RPGRIP1: variants seen among roughly 807,000 people sequenced by gnomAD.
RPGRIP1 encodes X-linked retinitis pigmentosa GTPase regulator-interacting protein 1.
In RPGRIP1, 128 loss-of-function variants were observed where a neutral mutation model predicts 157.9. The ratio of observed to expected loss-of-function variants is 0.81; its 90% confidence interval spans 0.70 to 0.94. The LOEUF is 0.94. RPGRIP1 is among the 40% of genes least tolerant of loss of function. RPGRIP1 has a pLI of 0.00. For missense variants in RPGRIP1, 1,486 were observed against 1,545.8 expected (o/e 0.96, Z 0.65); for synonymous variants, 554 against 571.6 (o/e 0.97, Z 0.44).
chr14:21,349,978 T>C (rs1405638875), intron 24 of RPGRIP1, among the ~76,000 whole-genome samples: 1 of 152,188 alleles, frequency 6.6e-6, no homozygotes, highest in Non-Finnish European at 1.5e-5. Flanking sequence ...ACTAGATCAA[T>C]GTTTTTCAAA....
chr14:21,312,118 A>G (rs1305618251), intron 9 of RPGRIP1, 148 bp downstream of exon 9: 2 of 754,578 alleles, frequency 2.7e-6, no homozygotes, highest in African/African-American at 1.8e-5. Flanking sequence ...AGATTACACC[A>G]TTAGAGGGAA....
chr14:21,334,533 G>A lies in RPGRIP1; in HGVS notation c.3239-72G>A, dbSNP rs1466372046. On this transcript the variant is annotated intron_variant, in intron 20 of 24. Coordinates refer to ENST00000400017, the MANE Select transcript of RPGRIP1 (RefSeq NM_020366.4). Reference sequence around the variant, plus strand: ...AGTGACCAGACAGTGGATTGGAGATGTGTGTGCTGGGTCTTTTCTTGGGCT... The same window carrying A: ...AGTGACCAGACAGTGGATTGGAGATATGTGTGCTGGGTCTTTTCTTGGGCT... 9 of 989,126 alleles carry A rather than the reference G, an allele frequency of 9.1e-6. No homozygotes were observed. In the African/African-American group the frequency reaches 1.4e-4, roughly 16 times the overall value. The allele number at this position is 989,126 out of a possible 1,614,324, so 61.3% of individuals were successfully genotyped here.
chr14:21,303,336 C>G lies in RPGRIP1; in HGVS notation c.593C>G (p.Ser198Cys). The change falls in exon 6 of 25, where the codon TCT (serine) becomes TGT (cysteine). Residue 198 changes from serine to cysteine, a missense_variant. By Grantham distance (112) the Ser-to-Cys change is moderately radical (BLOSUM62 -1). Transcript: ENST00000400017. ...EVASKPSELV[S>C]GSNSIISFSS... ...AGTATCCTTTTTGTATTTAGTGTTT[C>G]TGGTTCTAACAGCATAATTTCTTTC... is the stretch of plus-strand genomic sequence containing the variant. 6.2e-7 allele frequency: 1 copy of G among 1,610,266 alleles called. No individual in the cohort carries two copies. Among genetic ancestry groups the G allele is most frequent in the East Asian group, 2.2e-5 (1 of 44,834 alleles).
intron 21 of RPGRIP1, among the ~76,000 whole-genome samples, chr14:21,335,788 C>G (rs1366038445): frequency 4.1e-5 from 6 of 147,712 alleles, no homozygotes; most frequent in African/African-American, 1.6e-4. Flanking sequence ...GCCTGGGCGA[C>G]AGAGCGAGAC....
At chr14:21,298,730 C>T (rs1446380690) in intron 3 of RPGRIP1, among the ~76,000 whole-genome samples, 4 of 151,382 alleles carry the variant, frequency 2.6e-5, no homozygotes, top group Admixed American at 2.0e-4. Flanking sequence ...TCACTAGGTC[C>T]GGAGTTCAAG....
At chr14:21,330,979 A>G (rs1340791954) in intron 20 of RPGRIP1, among the ~76,000 whole-genome samples, 2 of 151,734 alleles carry the variant, frequency 1.3e-5, no homozygotes, top group Non-Finnish European at 2.9e-5. Flanking sequence ...GCAGGATCTC[A>G]GCTCACTGCA....
chr14:21,347,611 A>C (rs980166269), intron 23 of RPGRIP1, among the ~76,000 whole-genome samples: 1 of 152,250 alleles, frequency 6.6e-6, no homozygotes, highest in African/African-American at 2.4e-5. Flanking sequence ...GCTTTTAAAA[A>C]TTAATAAAAA....
At chr14:21,301,877 C>CA (rs1487888789) in intron 4 of RPGRIP1, among the ~76,000 whole-genome samples, 1 of 151,568 alleles carries the variant, frequency 6.6e-6, no homozygotes, top group Non-Finnish European at 1.5e-5. Context: ...CACTCTGCCT[C>CA]AAAAAACAAA....
At position 21,342,199 on chromosome 14, in the gene RPGRIP1, G is replaced by T. The variant is rs111475029; in HGVS notation, c.3340-837G>T. ...GCTACTGAATCTCCAGTATCAGTCA[G>T]GAGGTCTTTTAGGTCCTAACCTCAG... On this transcript the variant is annotated intron_variant, in intron 21 of 24. Coordinates refer to ENST00000400017, the MANE Select transcript of RPGRIP1 (RefSeq NM_020366.4). Among the ~76,000 whole-genome samples the T allele has an allele frequency of 5.1e-3, 782 of 152,158 alleles. 6 individuals are homozygous for T. Among genetic ancestry groups the T allele is most frequent in the African/African-American group, 0.018 (745 of 41,516 alleles).
chr14:21,334,560 A>AT, intron 20 of RPGRIP1, 45 bp from the exon 21 acceptor site: 1 of 1,349,272 alleles, frequency 7.4e-7, no homozygotes, highest in Non-Finnish European at 1.0e-6. Context: ...TCTTGGGCTA[A>AT]AGTGCTTTGA....
Position 21,345,193 on chromosome 14 carries a change from G to A in RPGRIP1, c.3613G>A (p.Gly1205Arg). ...GCTGAATGGACAAGATCCTGATCAA[G>A]GACAGTAAGCATCTGCTTTCCACTT... ...DMLNGQDPDQGHLKFTVVSDP... is the reference protein window; with the variant it reads ...DMLNGQDPDQRHLKFTVVSDP... Residue 1205 changes from glycine (G) to arginine (R), a missense_variant, in exon 23 of 25, where the codon GGA becomes AGA. Gly to Arg is a moderately radical substitution (Grantham distance 125). Transcript: ENST00000400017. The A allele has an allele frequency of 6.2e-7, 1 of 1,610,428 alleles. No homozygotes were observed. The highest frequency in any genetic ancestry group is 1.1e-5 in the South Asian group (1 of 90,598).
At chr14:21,313,679 T>G (rs559637424) in intron 10 of RPGRIP1, among the ~76,000 whole-genome samples, 11 of 151,516 alleles carry the variant, frequency 7.3e-5, no homozygotes, top group Admixed American at 5.9e-4. Context: ...TCCCAGCTAC[T>G]CAGACAGCTG....
chr14:21,301,630 T>C (rs1881032256), intron 4 of RPGRIP1, among the ~76,000 whole-genome samples: 1 of 150,872 alleles, frequency 6.6e-6, no homozygotes, highest in Admixed American at 6.6e-5. Flanking sequence ...TGAGCTGAGA[T>C]TGCACCACTG....
intron 24 of RPGRIP1, among the ~76,000 whole-genome samples, chr14:21,349,703 CA>C (rs1470766948): frequency 2.0e-5 from 3 of 152,188 alleles, no homozygotes; most frequent in African/African-American, 7.2e-5. Context: ...CGCGCCCAGC[CA>C]TATAATTTCT....
At position 21,303,542 on chromosome 14, in the gene RPGRIP1, C is replaced by T. The variant is rs554396590; in HGVS notation, c.799C>T (p.Arg267Ter). The change falls in exon 6 of 25, where the codon CGA becomes TGA. Residue 267 changes from arginine to a stop codon, truncating the protein, a stop_gained and splice_region_variant. Coordinates refer to ENST00000400017, the MANE Select transcript of RPGRIP1 (RefSeq NM_020366.4). LOFTEE classifies it high-confidence loss of function. ...GTGTGCTCAGAAGGCTGCAGAGCTT[C>T]GGTAAGAGTGTGGCACTCCATGCCT... ...LECAQKAAELRASIKEKVELI... is the reference protein window; with the variant it reads ...LECAQKAAEL 1.9e-6 allele frequency: 3 copies of T among 1,612,062 alleles called. No homozygotes were observed. Among genetic ancestry groups the T allele is most frequent in the East Asian group, 2.2e-5 (1 of 44,880 alleles).
chr14:21,292,886 C>T (rs1880593134), intron 2 of RPGRIP1, among the ~76,000 whole-genome samples: 1 of 151,426 alleles, frequency 6.6e-6, no homozygotes, highest in Admixed American at 6.6e-5. Context: ...GTGGCTCACG[C>T]CTGTAATCCC....
At chr14:21,303,708 C>T (rs74242611) in intron 6 of RPGRIP1, among the ~76,000 whole-genome samples, 165 bp downstream of exon 6, 5,505 of 152,184 alleles carry the variant, frequency 0.036, 241 homozygotes, top group East Asian at 0.26. Context: ...GATTAACCTG[C>T]GGGCACCATG....
intron 21 of RPGRIP1, 101 bp downstream of exon 21, chr14:21,334,806 G>A: frequency 1.4e-6 from 1 of 699,946 alleles, no homozygotes; most frequent in Non-Finnish European, 2.3e-6. Context: ...ACCTTGGGAG[G>A]CCGAGGCAGG....
Position 21,287,896 on chromosome 14 carries a change from C to T in RPGRIP1, c.-38-43C>T, listed in dbSNP as rs890906155. 4.6e-6 allele frequency: 4 copies of T among 873,914 alleles called. No homozygotes were observed. The African/African-American group carries it at 6.7e-5, about 15-fold the overall frequency. 54.1% of individuals were successfully genotyped at this position (873,914 alleles called of 1,614,324 possible). A position where few individuals can be genotyped will look rare whatever the true frequency, so the allele number is the denominator to read the frequency against. On this transcript the variant is annotated intron_variant, in intron 1 of 24. Transcript: ENST00000400017. Reference sequence around the variant, plus strand: ...CTTATGTACACGTTTCAGAAGACATCCTAAAGTTGCATGTAACTGACTGGA... The same window carrying T: ...CTTATGTACACGTTTCAGAAGACATTCTAAAGTTGCATGTAACTGACTGGA...
Sources: allele counts gnomAD v4.1 joint callset (sites outside exome capture counted in the v4.1 genomes callset), GRCh38; gene constraint gnomAD v4.1.1; transcripts MANE v1.5; gene names NCBI Gene and HGNC (gene_info 2026-07-23, HGNC 2026-07-21).